CFAP144: variants seen among roughly 807,000 people sequenced by gnomAD.
CFAP144 encodes cilia and flagella associated protein 144.
At chr1:43,153,831 G>C in the CFAP144 span, among the ~76,000 whole-genome samples, 1 of 149,386 alleles carries the variant, frequency 6.7e-6, no homozygotes, top group East Asian at 1.9e-4. Flanking sequence ...ATATGGAATA[G>C]ACAAGTCAAA....
At chr1:43,152,494 GT>G in the CFAP144 span, among the ~76,000 whole-genome samples, 5 of 152,124 alleles carry the variant, frequency 3.3e-5, no homozygotes, top group Non-Finnish European at 5.9e-5. Context: ...TTCACAGTGT[GT>G]ATCCCTGTCT....
the CFAP144 span, chr1:43,145,336 A>G: frequency 6.9e-7 from 1 of 1,451,994 alleles, no homozygotes; most frequent in Non-Finnish European, 9.5e-7. Flanking sequence ...AAGTGAGTGC[A>G]ACCCCTGAGA....
chr1:43,153,059 G>C, the CFAP144 span: 1 of 1,168,560 alleles, frequency 8.6e-7, no homozygotes, highest in African/African-American at 1.5e-5. Context: ...AGCTGGATAA[G>C]TTACTAAGCT....
At chr1:43,147,969 A>G in the CFAP144 span, 2 of 1,614,032 alleles carry the variant, frequency 1.2e-6, no homozygotes, top group Non-Finnish European at 1.7e-6. Context: ...GACACCCAAA[A>G]GAGAAGGTGA....
chr1:43,154,062 G>GTGTGTA, the CFAP144 span, among the ~76,000 whole-genome samples: 12 of 83,662 alleles, frequency 1.4e-4, no homozygotes, highest in African/African-American at 4.8e-4. Flanking sequence ...ATATGTGTGT[G>GTGTGTA]TATATATATA....
At chr1:43,150,455 T>C in the CFAP144 span, among the ~76,000 whole-genome samples, 4 of 152,368 alleles carry the variant, frequency 2.6e-5, no homozygotes, top group African/African-American at 9.6e-5. Context: ...CCTGCAGCTA[T>C]TGAGCACTTG....
At chr1:43,147,457 A>G in the CFAP144 span, among the ~76,000 whole-genome samples, 4 of 152,220 alleles carry the variant, frequency 2.6e-5, no homozygotes, top group Non-Finnish European at 5.9e-5. Context: ...CACATTGGTA[A>G]TCTTGGTCAC....
chr1:43,150,188 A>G, the CFAP144 span, among the ~76,000 whole-genome samples: 3 of 152,176 alleles, frequency 2.0e-5, no homozygotes, highest in African/African-American at 7.2e-5. Flanking sequence ...GCCTGTCACC[A>G]CAAATAGAGT....
the CFAP144 span, chr1:43,156,138 T>C: frequency 9.5e-6 from 13 of 1,367,450 alleles, no homozygotes; most frequent in East Asian, 2.3e-5. Context: ...GCCAGGCCCA[T>C]TGACTCCAAA....
the CFAP144 span, chr1:43,145,310 G>A: frequency 1.9e-6 from 3 of 1,545,532 alleles, no homozygotes; most frequent in East Asian, 2.4e-5. Flanking sequence ...AAGTCTTGTC[G>A]ATCTGCCCTG....
chr1:43,149,790 CTGA>C, the CFAP144 span, among the ~76,000 whole-genome samples: 3 of 152,178 alleles, frequency 2.0e-5, no homozygotes, highest in African/African-American at 4.8e-5. Flanking sequence ...TGCTAATATA[CTGA>C]TAATAGTCCA....
At chr1:43,147,018 T>C in the CFAP144 span, among the ~76,000 whole-genome samples, 4 of 152,174 alleles carry the variant, frequency 2.6e-5, no homozygotes, top group African/African-American at 9.7e-5. Flanking sequence ...GCTAATTTTG[T>C]ATTTTTGGTA....
At chr1:43,150,958 ACC>A in the CFAP144 span, 2 of 670,976 alleles carry the variant, frequency 3.0e-6, no homozygotes, top group South Asian at 1.8e-5. Flanking sequence ...ACTCATACTA[ACC>A]AAGCTCAAAA....
At chr1:43,143,129 T>C in the CFAP144 span, among the ~76,000 whole-genome samples, 1 of 152,052 alleles carries the variant, frequency 6.6e-6, no homozygotes, top group Non-Finnish European at 1.5e-5. Flanking sequence ...AGTACACATG[T>C]AGGAGCAAGA....
chr1:43,150,597 G>A, the CFAP144 span, among the ~76,000 whole-genome samples: 12 of 152,210 alleles, frequency 7.9e-5, no homozygotes, highest in African/African-American at 2.7e-4. Context: ...AGGTTCTTGA[G>A]GGCCTTATCC....
chr1:43,144,580 A>C, the CFAP144 span, among the ~76,000 whole-genome samples: 199 of 151,978 alleles, frequency 1.3e-3, 1 homozygote, highest in African/African-American at 4.4e-3. Context: ...TCAAGCCTGC[A>C]CCCTAGTCTT....
At chr1:43,147,970 GAGA>G in the CFAP144 span, 4 of 1,613,936 alleles carry the variant, frequency 2.5e-6, no homozygotes, top group Admixed American at 1.7e-5. Flanking sequence ...ACACCCAAAA[GAGA>G]AGGTGATTCC....
At chr1:43,153,102 G>T in the CFAP144 span, 4 of 773,020 alleles carry the variant, frequency 5.2e-6, no homozygotes, top group Non-Finnish European at 8.2e-6. Context: ...TTGTAAAATG[G>T]AGCTAATACA....
the CFAP144 span, among the ~76,000 whole-genome samples, chr1:43,146,715 T>G: frequency 6.6e-6 from 1 of 152,214 alleles, no homozygotes; most frequent in African/African-American, 2.4e-5. Context: ...CAATTCACAT[T>G]GTGTCCTGAG....
Sources: allele counts gnomAD v4.1 joint callset (sites outside exome capture counted in the v4.1 genomes callset), GRCh38; gene constraint gnomAD v4.1.1; transcripts MANE v1.5; gene names NCBI Gene and HGNC (gene_info 2026-07-23, HGNC 2026-07-21).